The following TRPM3 variants were observed in gnomAD, a reference collection of about 807,000 sequenced individuals.
The protein encoded by TRPM3 is transient receptor potential cation channel subfamily M member 3.
Under a neutral mutation model 181.2 loss-of-function variants are expected in TRPM3, and 77 were observed. The observed-to-expected ratio is 0.42, with a 90% CI of 0.35 to 0.51. The LOEUF is 0.51. Ranked by LOEUF, TRPM3 falls within the 20% of genes least tolerant of loss-of-function variation. TRPM3 has a pLI of 0.01. For missense variants in TRPM3, 1,759 were observed against 2,196.7 expected (o/e 0.80, Z 3.98); for synonymous variants, 745 against 796.4 (o/e 0.94, Z 1.09).
At chr9:71,435,813 G>C (rs545245795) in intron 1 of TRPM3, among the ~76,000 whole-genome samples, 2 of 152,262 alleles carry the variant, frequency 1.3e-5, no homozygotes, top group East Asian at 1.9e-4. Flanking sequence ...ATAAAGAGAT[G>C]GTTTTCAATT....
intron 1 of TRPM3, among the ~76,000 whole-genome samples, chr9:70,956,503 A>C (rs1371850560): frequency 6.6e-6 from 1 of 152,170 alleles, no homozygotes; most frequent in African/African-American, 2.4e-5. Context: ...ACTGTTGACT[A>C]AACTAGGAAT....
chr9:71,191,426 C>A (rs2078013326), intron 1 of TRPM3, among the ~76,000 whole-genome samples: 1 of 151,826 alleles, frequency 6.6e-6, no homozygotes, highest in South Asian at 2.1e-4. Context: ...AGCTCACTTC[C>A]ATTTCTTCCT....
At chr9:71,241,597 GTAAC>G (rs756940055) in intron 1 of TRPM3, among the ~76,000 whole-genome samples, 6 of 152,018 alleles carry the variant, frequency 3.9e-5, no homozygotes, top group Non-Finnish European at 8.8e-5. Context: ...GTATACGTAT[GTAAC>G]TAACCTGCAT....
intron 1 of TRPM3, among the ~76,000 whole-genome samples, chr9:70,995,878 C>T (rs2097537228): frequency 1.3e-5 from 2 of 152,148 alleles, no homozygotes; most frequent in Admixed American, 6.5e-5. Context: ...TCCCTAATTG[C>T]CATTTCTGAC....
chr9:71,404,154 G>A (rs150688484), intron 1 of TRPM3, among the ~76,000 whole-genome samples: 1 of 152,148 alleles, frequency 6.6e-6, no homozygotes, highest in African/African-American at 2.4e-5. Flanking sequence ...TACATCCCAA[G>A]GTGATTGCAA....
intron 5 of TRPM3, among the ~76,000 whole-genome samples, chr9:70,831,979 A>T (rs868702367): frequency 1.3e-3 from 132 of 103,438 alleles, no homozygotes; most frequent in Middle Eastern, 4.6e-3. Context: ...ATATATATAT[A>T]TATATATATA....
intron 12 of TRPM3, 119 bp downstream of exon 12, chr9:70,635,092 A>G: frequency 1.3e-6 from 1 of 764,458 alleles, no homozygotes; most frequent in Non-Finnish European, 2.2e-6. Flanking sequence ...CTGTTCTGAA[A>G]TGAGTGGCGC....
intron 25 of TRPM3, 77 bp from the exon 26 acceptor site, chr9:70,537,482 T>A: frequency 3.8e-6 from 5 of 1,318,846 alleles, no homozygotes; most frequent in East Asian, 2.6e-5. Context: ...GATAAAGGGA[T>A]CACAGCTGTG....
chr9:70,778,655 G>C (rs1441033909), intron 7 of TRPM3, among the ~76,000 whole-genome samples: 5 of 152,182 alleles, frequency 3.3e-5, no homozygotes, highest in Non-Finnish European at 5.9e-5. Context: ...ATGGATACAT[G>C]AAGCCAGCAT....
chr9:70,547,312 T>C (rs868541778), intron 25 of TRPM3, among the ~76,000 whole-genome samples: 2 of 152,146 alleles, frequency 1.3e-5, no homozygotes, highest in South Asian at 4.1e-4. Flanking sequence ...TATGTGTATA[T>C]GTCTCTACCC....
At chr9:70,957,979 G>A (rs182472600) in intron 1 of TRPM3, among the ~76,000 whole-genome samples, 30 of 152,334 alleles carry the variant, frequency 2.0e-4, no homozygotes, top group African/African-American at 7.2e-4. Flanking sequence ...AGAAAGAAGA[G>A]GCTTTAGCAA....
At chr9:70,927,914 T>C (rs1346061893) in intron 1 of TRPM3, among the ~76,000 whole-genome samples, 1 of 152,218 alleles carries the variant, frequency 6.6e-6, no homozygotes, top group Non-Finnish European at 1.5e-5. Context: ...ATAACACCTA[T>C]AGGCAATCTT....
intron 1 of TRPM3, among the ~76,000 whole-genome samples, chr9:71,157,673 G>A (rs1235424166): frequency 6.6e-6 from 1 of 151,502 alleles, no homozygotes; most frequent in African/African-American, 2.4e-5. Context: ...AAATCCTTTG[G>A]TAGTTCAATA....
At chr9:71,078,717 A>G (rs1026723992) in intron 1 of TRPM3, among the ~76,000 whole-genome samples, 2 of 152,244 alleles carry the variant, frequency 1.3e-5, no homozygotes, top group African/African-American at 4.8e-5. Context: ...TTTAAATAGT[A>G]TAAGAGTCTC....
At chr9:70,551,016 A>C (rs1056496475) in intron 24 of TRPM3, among the ~76,000 whole-genome samples, 1 of 152,178 alleles carries the variant, frequency 6.6e-6, no homozygotes, top group African/African-American at 2.4e-5. Flanking sequence ...CTGCTATGCT[A>C]TTGCTATATT....
chr9:70,843,272 T>G (rs2094795977), intron 4 of TRPM3, 145 bp from the exon 5 acceptor site: 5 of 844,860 alleles, frequency 5.9e-6, no homozygotes, highest in Non-Finnish European at 5.2e-6. Context: ...ACTACTTGTA[T>G]TTAGGAGAAA....
chr9:70,539,082 C>A (rs969316287), intron 25 of TRPM3, among the ~76,000 whole-genome samples: 3 of 152,152 alleles, frequency 2.0e-5, no homozygotes, highest in African/African-American at 7.2e-5. Context: ...CAAAGTAAAT[C>A]ATTTGACTGC....
chr9:71,367,484 T>C (rs1464693427), intron 1 of TRPM3, among the ~76,000 whole-genome samples: 1 of 152,150 alleles, frequency 6.6e-6, no homozygotes, highest in African/African-American at 2.4e-5. Context: ...GTTTGTGCAG[T>C]TTTTTTCTTT....
intron 1 of TRPM3, among the ~76,000 whole-genome samples, chr9:71,271,784 G>T (rs2132131183): frequency 6.6e-6 from 1 of 152,276 alleles, no homozygotes; most frequent in South Asian, 2.1e-4. Flanking sequence ...CCAAGCACAT[G>T]GAGCTGAGCC....
Sources: allele counts gnomAD v4.1 joint callset (sites outside exome capture counted in the v4.1 genomes callset), GRCh38; gene constraint gnomAD v4.1.1; transcripts MANE v1.5; gene names NCBI Gene and HGNC (gene_info 2026-07-23, HGNC 2026-07-21).